Variants in ZNF589 observed in about 807,000 individuals in gnomAD.
ZNF589 encodes the protein KRAB-zinc finger protein SZF1-1.
ZNF589 carries 17 observed loss-of-function variants against 13.6 expected under a neutral mutation model. That is an observed-to-expected ratio of 1.25 (90% CI 0.86 to 1.88). ZNF589 has a LOEUF of 1.88. ZNF589 is among the 40% of genes most tolerant of loss of function. ZNF589 has a pLI of 0.00. For synonymous variants in ZNF589, 148 were observed against 161.6 expected (o/e 0.92, Z 0.64); for missense variants, 407 against 434.0 (o/e 0.94, Z 0.55).
rs1178830080 is a variant in ZNF589, at chr3:48,270,605, G to C, written c.*1819G>C. ...GCCCTACCTGATACCCTGTGTCAATGAGTGTACCTTGGAGAGCTATCCACT... is the reference window on the plus strand; with the variant it reads ...GCCCTACCTGATACCCTGTGTCAATCAGTGTACCTTGGAGAGCTATCCACT... On this transcript the variant is annotated 3_prime_UTR_variant, in exon 4 of 4. Transcript: ENST00000354698. The C allele has an allele frequency of 3.8e-6, 1 of 263,390 alleles. No individual in the cohort carries two copies. Among genetic ancestry groups the C allele is most frequent in the African/African-American group, 2.2e-5 (1 of 45,474 alleles). The allele number at this position is 263,390 out of a possible 1,614,324, so 16.3% of individuals were successfully genotyped here. A position where few individuals can be genotyped will look rare whatever the true frequency, so the allele number is the denominator to read the frequency against.
At chr3:48,263,618 G>T (rs911335153) in intron 3 of ZNF589, among the ~76,000 whole-genome samples, 1 of 152,124 alleles carries the variant, frequency 6.6e-6, no homozygotes, top group African/African-American at 2.4e-5. Flanking sequence ...AAACAGGCCG[G>T]CATGGTGATG....
At chr3:48,266,014 CT>C (rs905547069) in intron 3 of ZNF589, among the ~76,000 whole-genome samples, 1 of 152,122 alleles carries the variant, frequency 6.6e-6, no homozygotes, top group African/African-American at 2.4e-5. Context: ...GGATTAGTAA[CT>C]TTGTGTCCAC....
intron 3 of ZNF589, among the ~76,000 whole-genome samples, chr3:48,262,326 A>G (rs1365495903): frequency 6.6e-6 from 1 of 151,996 alleles, no homozygotes; most frequent in Non-Finnish European, 1.5e-5. Context: ...AGTAGCTGGG[A>G]TTACAGGCGC....
chr3:48,252,005 C>T (rs1000437948), intron 2 of ZNF589, among the ~76,000 whole-genome samples: 1 of 151,348 alleles, frequency 6.6e-6, no homozygotes, highest in Non-Finnish European at 1.5e-5. Context: ...CACCACTGCA[C>T]TCCAGCCTGG....
In ZNF589 at chr3:48,268,000, C is replaced by T. The variant is rs2034037846; in HGVS notation, c.309C>T (p.His103=). 1 of 1,614,182 alleles carries T rather than the reference C, an allele frequency of 6.2e-7. No homozygotes were observed. Among genetic ancestry groups the T allele is most frequent in the Non-Finnish European group, 8.5e-7 (1 of 1,180,056 alleles). Residue 103 remains histidine (H), a synonymous_variant, in exon 4 of 4, where the codon CAC becomes CAT. Transcript: ENST00000354698. ...SQQFLSQDEL[H]NHPIPGFHAG... ...AGTTCCTCAGCCAAGATGAGCTACA[C>T]AATCATCCTATTCCAGGTTTCCATG...
At chr3:48,246,889 C>T (rs528008350) in intron 1 of ZNF589, among the ~76,000 whole-genome samples, 2 of 151,320 alleles carry the variant, frequency 1.3e-5, no homozygotes, top group East Asian at 2.0e-4. Flanking sequence ...AGGATGGTCT[C>T]GATCTCCTGA....
chr3:48,252,425 T>C (rs2033849019), intron 2 of ZNF589, among the ~76,000 whole-genome samples: 1 of 151,664 alleles, frequency 6.6e-6, no homozygotes, highest in Non-Finnish European at 1.5e-5. Flanking sequence ...TCTCCTGACC[T>C]TGTGATCCAC....
Position 48,268,310 on chromosome 3 carries a change from G to A in ZNF589, c.619G>A (p.Ala207Thr). The change falls in exon 4 of 4, where the codon GCA (alanine) becomes ACA (threonine). Residue 207 changes from alanine to threonine, a missense_variant. Transcript: ENST00000354698. ...GGAAGTAGACAGAATTTCCAAGAGG[G>A]CAGAAACCCCAGGGTTTGGAGCAGT... is the stretch of plus-strand genomic sequence containing the variant. ...SEEVDRISKR[A>T]ETPGFGAVTF... 1 of 1,613,800 alleles carries A rather than the reference G, an allele frequency of 6.2e-7. No homozygotes were observed. Among genetic ancestry groups the A allele is most frequent in the Non-Finnish European group, 8.5e-7 (1 of 1,179,750 alleles).
At chr3:48,267,721 T>G (rs1200735821) in intron 3 of ZNF589, among the ~76,000 whole-genome samples, 194 bp from the exon 4 acceptor site, 1 of 152,216 alleles carries the variant, frequency 6.6e-6, no homozygotes, top group Non-Finnish European at 1.5e-5. Context: ...TTCTTGCAAC[T>G]TTTCTGTATA....
chr3:48,269,743 C>T lies in ZNF589; in HGVS notation c.*957C>T, dbSNP rs73072384. The stretch of plus-strand genomic sequence containing the variant: ...TTTTAGCAACAAGTCAGCCATCAGC[C>T]ACACCAGCGGAAATGCTTAGGGAGA... On this transcript the variant is annotated 3_prime_UTR_variant, in exon 4 of 4. Transcript: ENST00000354698. 5.9e-5 allele frequency: 20 copies of T among 337,978 alleles called. No homozygotes were observed. The highest frequency in any genetic ancestry group is 1.1e-4 in the Non-Finnish European group (19 of 172,056). The allele number at this position is 337,978 out of a possible 1,614,324, so 20.9% of individuals were successfully genotyped here.
At chr3:48,251,988 A>T (rs2033843204) in intron 2 of ZNF589, among the ~76,000 whole-genome samples, 1 of 151,284 alleles carries the variant, frequency 6.6e-6, no homozygotes, top group African/African-American at 2.4e-5. Flanking sequence ...GCAGTGAGCC[A>T]TGTTCACACC....
At chr3:48,256,911 C>T (rs757821258) in intron 2 of ZNF589, 1 of 733,390 alleles carries the variant, frequency 1.4e-6, no homozygotes, top group South Asian at 1.5e-5. Flanking sequence ...TGCCCACAGC[C>T]AGACACCAGA....
intron 1 of ZNF589, among the ~76,000 whole-genome samples, chr3:48,243,814 A>G (rs930083472): frequency 4.0e-5 from 6 of 151,830 alleles, no homozygotes; most frequent in Non-Finnish European, 7.4e-5. Context: ...AAAAGGCAGT[A>G]ACACTAAGTT....
rs144661806 is a variant in ZNF589, at chr3:48,267,641, C to T, written c.224-274C>T. Among the ~76,000 whole-genome samples the T allele has an allele frequency of 4.2e-4, 64 of 152,282 alleles. No individual in the cohort carries two copies. The East Asian group carries it at 4.6e-3, about 11-fold the overall frequency. The stretch of plus-strand genomic sequence containing the variant: ...CAATCTCTTGACCTCGTGATCTGCC[C>T]GCCTCCGCCTCCCAAAGTGCTGGGA... On this transcript the variant is annotated intron_variant, in intron 3 of 3. Coordinates refer to ENST00000354698, the MANE Select transcript of ZNF589 (RefSeq NM_016089.3).
At chr3:48,256,003 G>A (rs145663505) in intron 2 of ZNF589, among the ~76,000 whole-genome samples, 1 of 152,138 alleles carries the variant, frequency 6.6e-6, no homozygotes, top group African/African-American at 2.4e-5. Context: ...TTAACATGGT[G>A]GATTACAATG....
At chr3:48,250,713 C>A (rs911316414) in intron 2 of ZNF589, among the ~76,000 whole-genome samples, 1 of 152,116 alleles carries the variant, frequency 6.6e-6, no homozygotes, top group Non-Finnish European at 1.5e-5. Flanking sequence ...CTCAGGTGAT[C>A]CGCCCTCCTC....
At chr3:48,255,163 C>G (rs2033884277) in intron 2 of ZNF589, among the ~76,000 whole-genome samples, 1 of 150,764 alleles carries the variant, frequency 6.6e-6, no homozygotes, top group Non-Finnish European at 1.5e-5. Flanking sequence ...TTCTAGTTTG[C>G]TGAGAGCTAT....
intron 3 of ZNF589, among the ~76,000 whole-genome samples, chr3:48,264,011 G>T (rs1207901416): frequency 2.6e-5 from 4 of 152,122 alleles, no homozygotes; most frequent in Non-Finnish European, 5.9e-5. Flanking sequence ...ATATACCAGT[G>T]ATATGTATGG....
At chr3:48,247,269 C>A (rs554487325) in intron 1 of ZNF589, among the ~76,000 whole-genome samples, 4 of 151,744 alleles carry the variant, frequency 2.6e-5, no homozygotes, top group African/African-American at 9.7e-5. Context: ...CCACTGTGCT[C>A]GGTCCATTTT....
Sources: gnomAD v4.1 joint callset for allele counts (sites outside exome capture counted in the v4.1 genomes callset) on GRCh38, gnomAD v4.1.1 for gene constraint, MANE v1.5 for transcripts, NCBI Gene and HGNC (gene_info 2026-07-23, HGNC 2026-07-21) for gene names.